Variants in ACVR1B observed in about 807,000 individuals in gnomAD.
ACVR1B encodes activin receptor type-1B.
ACVR1B carries 15 observed loss-of-function variants against 55.6 expected under a neutral mutation model. That is an observed-to-expected ratio of 0.27 (90% CI 0.18 to 0.42). The LOEUF (loss-of-function observed/expected upper bound fraction) is 0.42, where lower values mean the gene tolerates loss of function less well. Ranked by LOEUF, ACVR1B falls within the 10% of genes least tolerant of loss-of-function variation. The pLI, the probability that ACVR1B is intolerant of heterozygous loss-of-function variation, is 1.00. For missense variants in ACVR1B, 359 were observed against 670.1 expected (o/e 0.54, Z 5.13); for synonymous variants, 247 against 254.6 (o/e 0.97, Z 0.28).
At chr12:51,987,429 C>T (rs1268668855) in intron 7 of ACVR1B, 3 of 374,586 alleles carry the variant, frequency 8.0e-6, no homozygotes, top group South Asian at 1.1e-4. Flanking sequence ...AGTTAAAAAT[C>T]GTTGGCATTT....
At chr12:51,984,691 G>T (rs1032713903) in intron 5 of ACVR1B, among the ~76,000 whole-genome samples, 3 of 152,250 alleles carry the variant, frequency 2.0e-5, no homozygotes, top group Non-Finnish European at 4.4e-5. Context: ...CCTGGATCTT[G>T]TCACAATGGC....
chr12:51,980,880 A>AG lies in ACVR1B; in HGVS notation c.581-86dup, dbSNP rs2120657790. 2.8e-6 allele frequency: 3 copies of AG among 1,065,810 alleles called. No individual in the cohort carries two copies. The East Asian group carries it at 7.4e-5, about 26-fold the overall frequency. 66.0% of individuals were successfully genotyped at this position (1,065,810 alleles called of 1,614,324 possible). ...AGCGTAGGATGAAGACACCATGTTAAGGGTGTTTCCGTTGTGCCAATTAGT... is the reference window on the plus strand; with the variant it reads ...AGCGTAGGATGAAGACACCATGTTAAGGGGTGTTTCCGTTGTGCCAATTAGT... On this transcript the variant is annotated intron_variant, in intron 3 of 8. Coordinates refer to ENST00000257963, the MANE Select transcript of ACVR1B (RefSeq NM_004302.5).
At chr12:51,982,782 G>A (rs1211684838) in intron 4 of ACVR1B, 2 of 1,529,932 alleles carry the variant, frequency 1.3e-6, no homozygotes, top group Non-Finnish European at 8.7e-7. Context: ...GGAGGAAGGG[G>A]AAGAGCAAGA....
chr12:51,967,843 TA>T (rs1941671571), intron 1 of ACVR1B, among the ~76,000 whole-genome samples: 2 of 152,342 alleles, frequency 1.3e-5, no homozygotes, highest in South Asian at 4.1e-4. Context: ...GATTTAAGCT[TA>T]GGCTGTCTGA....
intron 3 of ACVR1B, among the ~76,000 whole-genome samples, chr12:51,978,684 A>G (rs1941915749): frequency 2.4e-5 from 1 of 41,018 alleles, no homozygotes; most frequent in African/African-American, 9.3e-5. Flanking sequence ...ACAAAAAATT[A>G]GCCGGGCGTG....
intron 1 of ACVR1B, among the ~76,000 whole-genome samples, chr12:51,970,987 G>A (rs1158008307): frequency 6.6e-6 from 1 of 152,064 alleles, no homozygotes; most frequent in African/African-American, 2.4e-5. Context: ...CACAGGGGGC[G>A]CCATCATGCT....
At chr12:51,981,522 T>G (rs1286821868) in intron 4 of ACVR1B, among the ~76,000 whole-genome samples, 1 of 152,142 alleles carries the variant, frequency 6.6e-6, no homozygotes. Flanking sequence ...GGGGGTCCCG[T>G]AAGCTTATTT....
chr12:51,965,322 AG>A (rs1565612236), intron 1 of ACVR1B, among the ~76,000 whole-genome samples: 1 of 152,210 alleles, frequency 6.6e-6, no homozygotes, highest in Non-Finnish European at 1.5e-5. Flanking sequence ...TTTGGTAAGC[AG>A]GGGAAAAAAA....
chr12:51,953,276 G>A, intron 1 of ACVR1B: 1 of 920,506 alleles, frequency 1.1e-6, no homozygotes, highest in Non-Finnish European at 1.3e-6. Flanking sequence ...GTCAAGAAAA[G>A]ACACCATGCC....
At chr12:51,974,908 T>C (rs1490588738) in intron 1 of ACVR1B, among the ~76,000 whole-genome samples, 1 of 152,136 alleles carries the variant, frequency 6.6e-6, no homozygotes, top group South Asian at 2.1e-4. Context: ...ATAGGGCTGG[T>C]GATAGCTCCA....
rs1223535887 is a variant in ACVR1B, at chr12:51,951,727, CGGCGGCGGT to C, written c.-14_-6del. On this transcript the variant is annotated 5_prime_UTR_variant, in exon 1 of 9. Transcript: ENST00000257963. ...CGCTGCTGGGCTGCGGCGGCGGCGG[CGGCGGCGGT>C]GGTTACTATGGCGGAGTCGGCCGGA... 10 of 1,216,192 alleles carry C rather than the reference CGGCGGCGGT, an allele frequency of 8.2e-6. No homozygotes were observed. The East Asian group carries it at 3.0e-4, about 36-fold the overall frequency. The allele number at this position is 1,216,192 out of a possible 1,614,324, so 75.3% of individuals were successfully genotyped here. A position where few individuals can be genotyped will look rare whatever the true frequency, so the allele number is the denominator to read the frequency against.
chr12:51,953,584 T>A, intron 1 of ACVR1B: 1 of 914,448 alleles, frequency 1.1e-6, no homozygotes, highest in Non-Finnish European at 1.3e-6. Flanking sequence ...TAATGTTCTC[T>A]ACTGGGTAGT....
intron 3 of ACVR1B, among the ~76,000 whole-genome samples, 193 bp downstream of exon 3, chr12:51,976,768 C>T (rs1941867267): frequency 6.6e-6 from 1 of 152,212 alleles, no homozygotes; most frequent in Non-Finnish European, 1.5e-5. Flanking sequence ...GAAAATCTCT[C>T]ATTCCGTGGG....
At chr12:51,983,263 C>CT (rs1236082899) in intron 4 of ACVR1B, among the ~76,000 whole-genome samples, 2 of 152,214 alleles carry the variant, frequency 1.3e-5, no homozygotes, top group African/African-American at 4.8e-5. Context: ...CTCCCTCCTC[C>CT]TGCTCTCCTC....
intron 1 of ACVR1B, among the ~76,000 whole-genome samples, chr12:51,968,113 G>A (rs888472508): frequency 6.6e-6 from 1 of 152,208 alleles, no homozygotes; most frequent in Non-Finnish European, 1.5e-5. Flanking sequence ...GCAGGTGCCT[G>A]TAATCCCAGC....
intron 1 of ACVR1B, among the ~76,000 whole-genome samples, chr12:51,967,848 T>C (rs1191064777): frequency 6.6e-6 from 1 of 152,258 alleles, no homozygotes; most frequent in African/African-American, 2.4e-5. Flanking sequence ...AAGCTTAGGC[T>C]GTCTGACCTC....
chr12:51,957,486 G>C (rs1346814991), intron 1 of ACVR1B, among the ~76,000 whole-genome samples: 1 of 149,822 alleles, frequency 6.7e-6, no homozygotes, highest in African/African-American at 2.5e-5. Context: ...GCTCACTGCA[G>C]CCTGAAACTC....
rs185309029 is a variant in ACVR1B at position 51,967,617 on chromosome 12, C to T, written c.92-7648C>T. On this transcript the variant is annotated intron_variant, in intron 1 of 8. Transcript: ENST00000257963. Reference sequence around the variant, plus strand: ...GGTTGGGGGAAACCTGCTAGAGAATCGGTGGCTGGTACTAGTGGGAATGTC... The same window carrying T: ...GGTTGGGGGAAACCTGCTAGAGAATTGGTGGCTGGTACTAGTGGGAATGTC... 1.2e-4 allele frequency among the ~76,000 whole-genome samples: 18 copies of T among 152,314 alleles called. No homozygotes were observed. In the East Asian group the frequency reaches 2.7e-3, roughly 23 times the overall value.
intron 3 of ACVR1B, among the ~76,000 whole-genome samples, chr12:51,979,739 T>C (rs1941942332): frequency 6.6e-6 from 1 of 152,074 alleles, no homozygotes; most frequent in Admixed American, 6.5e-5. Context: ...AAAGTTTCCA[T>C]GTGGGAAATG....
Sources: allele counts gnomAD v4.1 joint callset (sites outside exome capture counted in the v4.1 genomes callset), GRCh38; gene constraint gnomAD v4.1.1; transcripts MANE v1.5; gene names NCBI Gene and HGNC (gene_info 2026-07-23, HGNC 2026-07-21).